GANC: variants seen among roughly 807,000 people sequenced by gnomAD.
GANC encodes the protein neutral alpha-glucosidase C.
Under a neutral mutation model 124.2 loss-of-function variants are expected in GANC, and 117 were observed. The observed-to-expected ratio is 0.94, with a 90% CI of 0.81 to 1.10. The LOEUF is 1.10. GANC is among the 50% of genes least tolerant of loss of function. The pLI, the probability that GANC is intolerant of heterozygous loss-of-function variation, is 0.00. For missense variants in GANC, 1,140 were observed against 1,095.0 expected (o/e 1.04, Z -0.58); for synonymous variants, 377 against 376.8 (o/e 1.00, Z -0.01).
chr15:42,293,894 C>CA (rs1332747849), intron 5 of GANC, among the ~76,000 whole-genome samples: 1 of 150,972 alleles, frequency 6.6e-6, no homozygotes, highest in Non-Finnish European at 1.5e-5. Context: ...CAAAAAAATA[C>CA]AAAAAAATTA....
At chr15:42,330,141 T>G (rs1483089282) in intron 14 of GANC, among the ~76,000 whole-genome samples, 1 of 152,214 alleles carries the variant, frequency 6.6e-6, no homozygotes, top group African/African-American at 2.4e-5. Flanking sequence ...TGTGTTTGCC[T>G]CTTTAACAGC....
At chr15:42,327,559 A>T (rs973874213) in intron 13 of GANC, 117 bp downstream of exon 13, 8 of 855,906 alleles carry the variant, frequency 9.3e-6, no homozygotes, top group Admixed American at 2.3e-5. Context: ...TAATGCTTTT[A>T]TTAAAAGGCA....
intron 15 of GANC, among the ~76,000 whole-genome samples, chr15:42,335,995 A>G (rs1215334933): frequency 2.0e-5 from 3 of 152,196 alleles, no homozygotes; most frequent in Non-Finnish European, 4.4e-5. Context: ...AAAACATTCC[A>G]TGCTCATGGA....
At chr15:42,297,531 GA>G (rs142433199) in intron 5 of GANC, 79 bp from the exon 6 acceptor site, 19,934 of 1,022,240 alleles carry the variant, frequency 0.02, 263 homozygotes, top group Non-Finnish European at 0.025. Flanking sequence ...TCAAAAGTTG[GA>G]AATGAAAAAT....
chr15:42,334,842 A>G (rs1429384931), intron 15 of GANC, among the ~76,000 whole-genome samples: 1 of 152,164 alleles, frequency 6.6e-6, no homozygotes, highest in Non-Finnish European at 1.5e-5. Flanking sequence ...AAACACAATT[A>G]GGAATTACAA....
In GANC at chr15:42,310,838, A is replaced by G. The variant is rs2052044000; in HGVS notation, c.1049A>G (p.His350Arg). ...TPSDVFKQYS[H>R]LTGTQAMPPL... The stretch of plus-strand genomic sequence containing the variant: ...TCTGATGTCTTCAAACAGTACTCAC[A>G]CCTTACAGGTATTTGCACGAAGAAG... Residue 350 changes from histidine (H) to arginine (R), a missense_variant, in exon 10 of 24, where the codon CAC becomes CGC. Transcript: ENST00000318010. 1.2e-6 allele frequency: 2 copies of G among 1,611,650 alleles called. No individual in the cohort carries two copies. The highest frequency in any genetic ancestry group is 1.7e-6 in the Non-Finnish European group (2 of 1,177,900).
chr15:42,343,276 A>G, intron 19 of GANC, 122 bp downstream of exon 19: 1 of 782,864 alleles, frequency 1.3e-6, no homozygotes. Flanking sequence ...ATAGCAAGTA[A>G]TTATTATAAT....
intron 21 of GANC, among the ~76,000 whole-genome samples, chr15:42,348,958 T>C (rs1203678813): frequency 6.6e-6 from 1 of 152,062 alleles, no homozygotes; most frequent in Admixed American, 6.6e-5. Context: ...AAAATAAAAA[T>C]AAATTTAAAA....
chr15:42,287,592 C>G, intron 3 of GANC, 99 bp from the exon 4 acceptor site: 1 of 1,316,984 alleles, frequency 7.6e-7, no homozygotes, highest in Non-Finnish European at 1.0e-6. Context: ...CTTGGCCTAT[C>G]ATAATTGAAA....
chr15:42,275,871 A>G (rs1438389290), intron 1 of GANC, among the ~76,000 whole-genome samples: 1 of 152,166 alleles, frequency 6.6e-6, no homozygotes. Context: ...GATAGCTTGA[A>G]CACAGTTCAT....
chr15:42,324,180 T>C (rs957587286), intron 11 of GANC, among the ~76,000 whole-genome samples: 5 of 151,844 alleles, frequency 3.3e-5, no homozygotes, highest in South Asian at 4.2e-4. Context: ...CAAGAAAAGA[T>C]GCTCAACACC....
At chr15:42,329,569 G>A in intron 14 of GANC, 120 bp downstream of exon 14, 2 of 1,051,746 alleles carry the variant, frequency 1.9e-6, no homozygotes, top group Non-Finnish European at 2.7e-6. Flanking sequence ...TGTCTTTTCT[G>A]ACAACTGCAA....
intron 11 of GANC, among the ~76,000 whole-genome samples, chr15:42,325,198 A>G (rs1246104867): frequency 1.3e-5 from 2 of 151,996 alleles, no homozygotes; most frequent in African/African-American, 2.4e-5. Context: ...GCTGGAACCC[A>G]GGAGGCGGAG....
chr15:42,330,865 G>A (rs116015681), intron 15 of GANC, among the ~76,000 whole-genome samples, 193 bp downstream of exon 15: 2,482 of 141,450 alleles, frequency 0.018, 73 homozygotes, highest in African/African-American at 0.062. Flanking sequence ...ATGACTCACT[G>A]CAGCATTGAC....
In GANC at chr15:42,283,863, T is replaced by TGGACAGGCCAGTTGTCCTTGGG. The variant is rs1245471931; in HGVS notation, c.202-3826_202-3805dup. On this transcript the variant is annotated intron_variant, in intron 3 of 23. Coordinates refer to ENST00000318010, the MANE Select transcript of GANC (RefSeq NM_198141.3). ...CTGGCCAGACAATCAGAAGCACACC[T>TGGACAGGCCAGTTGTCCTTGGG]GGACAGGCCAGTTGTCCTTGGGGAA... The TGGACAGGCCAGTTGTCCTTGGG allele has an allele frequency of 7.1e-6, 5 of 702,634 alleles. No homozygotes were observed. In the East Asian group the frequency reaches 1.1e-4, roughly 15 times the overall value. 43.5% of individuals were successfully genotyped at this position (702,634 alleles called of 1,614,324 possible).
chr15:42,329,489 C>A, intron 14 of GANC, 40 bp downstream of exon 14: 1 of 1,572,560 alleles, frequency 6.4e-7, no homozygotes, highest in Non-Finnish European at 8.6e-7. Flanking sequence ...CTTGTGTGAC[C>A]CACCTTTTGG....
At chr15:42,342,283 T>C (rs1160004627) in intron 18 of GANC, among the ~76,000 whole-genome samples, 1 of 152,158 alleles carries the variant, frequency 6.6e-6, no homozygotes, top group East Asian at 1.9e-4. Context: ...TAATCCAGAT[T>C]GCCTTTAAGA....
In GANC at chr15:42,279,237, A is replaced by G. The variant is rs982736473; in HGVS notation, c.201+647A>G. 4.6e-5 allele frequency among the ~76,000 whole-genome samples: 7 copies of G among 152,340 alleles called. No individual in the cohort carries two copies. In the East Asian group the frequency reaches 1.3e-3, roughly 29 times the overall value. On this transcript the variant is annotated intron_variant, in intron 3 of 23. Coordinates refer to ENST00000318010, the MANE Select transcript of GANC (RefSeq NM_198141.3). ...GAAAATCACTTGCCCAAAGTCTCACATTTAGTAACCAAAATTTTCTCCTGC... is the reference window on the plus strand; with the variant it reads ...GAAAATCACTTGCCCAAAGTCTCACGTTTAGTAACCAAAATTTTCTCCTGC...
In GANC at chr15:42,339,779, C is replaced by A. The variant is rs761949022; in HGVS notation, c.1954C>A (p.Arg652=). 2 of 1,614,114 alleles carry A rather than the reference C, an allele frequency of 1.2e-6. No homozygotes were observed. The highest frequency in any genetic ancestry group is 4.5e-5 in the East Asian group (2 of 44,858). The stretch of plus-strand genomic sequence containing the variant: ...TGGCCATGCCACCATGAACACCAAG[C>A]GACGAGAGCCCTGGCTCTTTGGGGA... ...FRGHATMNTK[R]REPWLFGEEH... The change falls in exon 17 of 24, where the codon CGA becomes AGA. Residue 652 remains arginine (R), a synonymous_variant. Transcript: ENST00000318010.
Sources: allele counts gnomAD v4.1 joint callset (sites outside exome capture counted in the v4.1 genomes callset), GRCh38; gene constraint gnomAD v4.1.1; transcripts MANE v1.5; gene names NCBI Gene and HGNC (gene_info 2026-07-23, HGNC 2026-07-21).